Variants in SPSB4 observed in about 807,000 individuals in gnomAD.
The protein encoded by SPSB4 is splA/ryanodine receptor domain and SOCS box containing 4.
Under a neutral mutation model 20.9 loss-of-function variants are expected in SPSB4, and 21 were observed. That is an observed-to-expected ratio of 1.01 (90% CI 0.71 to 1.45). SPSB4 has a LOEUF of 1.45. Ranked by LOEUF, SPSB4 falls within the 40% of genes most tolerant of loss-of-function variation. The pLI, the probability that SPSB4 is intolerant of heterozygous loss-of-function variation, is 0.00. For missense variants in SPSB4, 399 were observed against 399.2 expected (o/e 1.00, Z 0.00); for synonymous variants, 207 against 183.8 (o/e 1.13, Z -1.02).
At chr3:141,114,163 G>A (rs900127002) in intron 2 of SPSB4, among the ~76,000 whole-genome samples, 1 of 152,154 alleles carries the variant, frequency 6.6e-6, no homozygotes, top group Non-Finnish European at 1.5e-5. Context: ...TAAATTCAGT[G>A]CAAGAAGTTG....
chr3:141,129,258 A>C (rs1321050524), intron 2 of SPSB4, among the ~76,000 whole-genome samples: 1 of 152,216 alleles, frequency 6.6e-6, no homozygotes, highest in Non-Finnish European at 1.5e-5. Flanking sequence ...GGACCTTCAC[A>C]GCTCCAGGAG....
intron 2 of SPSB4, among the ~76,000 whole-genome samples, chr3:141,142,472 T>C (rs1484047444): frequency 6.6e-6 from 1 of 152,206 alleles, no homozygotes; most frequent in African/African-American, 2.4e-5. Context: ...ATGTTGTCTA[T>C]CTTGGAGAAT....
intron 1 of SPSB4, among the ~76,000 whole-genome samples, chr3:141,063,770 T>C (rs1937812213): frequency 6.6e-6 from 1 of 152,252 alleles, no homozygotes; most frequent in African/African-American, 2.4e-5. Flanking sequence ...GAGGTAAACC[T>C]TCTTGGATCA....
At chr3:141,114,525 C>T (rs1034241341) in intron 2 of SPSB4, among the ~76,000 whole-genome samples, 4 of 152,106 alleles carry the variant, frequency 2.6e-5, no homozygotes, top group African/African-American at 7.2e-5. Flanking sequence ...AAAATGAGGC[C>T]GAGTCTAGAC....
At chr3:141,077,411 T>C (rs960799427) in intron 2 of SPSB4, 6 of 152,234 alleles carry the variant, frequency 3.9e-5, no homozygotes, top group African/African-American at 1.4e-4. Context: ...ATGATCTCAC[T>C]GGTGAGCAGC....
rs1048367151 is a variant in SPSB4 at position 141,066,552 on chromosome 3, T to C, written c.448T>C (p.Tyr150His). The C allele has an allele frequency of 2.0e-6, 3 of 1,529,298 alleles. No homozygotes were observed. The highest frequency in any genetic ancestry group is 2.6e-6 in the Non-Finnish European group (3 of 1,137,378). 94.7% of individuals were successfully genotyped at this position (1,529,298 alleles called of 1,614,324 possible). A position where few individuals can be genotyped will look rare whatever the true frequency, so the allele number is the denominator to read the frequency against. The change falls in exon 2 of 3, where the codon TAC becomes CAC. Residue 150 changes from tyrosine (Y) to histidine (H), a missense_variant. Coordinates refer to ENST00000310546, the MANE Select transcript of SPSB4 (RefSeq NM_080862.3). ...WGWDLGRSRLYHDGKNQPGVA... is the reference protein window; with the variant it reads ...WGWDLGRSRLHHDGKNQPGVA... ...CTGGGACCTGGGCCGCAGCCGCCTCTACCACGACGGCAAGAACCAGCCCGG... is the reference window on the plus strand; with the variant it reads ...CTGGGACCTGGGCCGCAGCCGCCTCCACCACGACGGCAAGAACCAGCCCGG...
chr3:141,066,205 C>G lies in SPSB4; in HGVS notation c.101C>G (p.Pro34Arg). 6.5e-7 allele frequency: 1 copy of G among 1,532,006 alleles called. No individual in the cohort carries two copies. Among genetic ancestry groups the G allele is most frequent in the Non-Finnish European group, 8.8e-7 (1 of 1,141,316 alleles). 94.9% of individuals were successfully genotyped at this position (1,532,006 alleles called of 1,614,324 possible). Reference sequence around the variant, plus strand: ...CTGCGGGGTGCAGAGCCCGGGCGGCCGGCGCGGCTGGACCAGCTGTTGGAC... The same window carrying G: ...CTGCGGGGTGCAGAGCCCGGGCGGCGGGCGCGGCTGGACCAGCTGTTGGAC... The part of the protein sequence containing the change: ...RELRGAEPGR[P>R]ARLDQLLDMP... The change falls in exon 2 of 3, where the codon CCG becomes CGG. Residue 34 changes from proline to arginine, a missense_variant. Pro to Arg is a moderately radical substitution (Grantham distance 103). Coordinates refer to ENST00000310546, the MANE Select transcript of SPSB4 (RefSeq NM_080862.3).
At chr3:141,142,879 T>C (rs544043952) in intron 2 of SPSB4, among the ~76,000 whole-genome samples, 2 of 139,498 alleles carry the variant, frequency 1.4e-5, no homozygotes, top group African/African-American at 2.6e-5. Context: ...TGCAGTGGCA[T>C]GATCTCAGCT....
intron 2 of SPSB4, among the ~76,000 whole-genome samples, chr3:141,101,418 T>G (rs1400258499): frequency 6.6e-6 from 1 of 152,192 alleles, no homozygotes; most frequent in East Asian, 1.9e-4. Context: ...AGGTGGCCCC[T>G]GCCCACCTCC....
intron 2 of SPSB4, among the ~76,000 whole-genome samples, chr3:141,082,637 A>ATCTG (rs1938258725): frequency 6.6e-6 from 1 of 151,912 alleles, no homozygotes; most frequent in South Asian, 2.1e-4. Flanking sequence ...CTATCTATCT[A>ATCTG]TCTATCTATC....
At chr3:141,131,661 G>T (rs984063394) in intron 2 of SPSB4, among the ~76,000 whole-genome samples, 1 of 152,130 alleles carries the variant, frequency 6.6e-6, no homozygotes, top group Non-Finnish European at 1.5e-5. Context: ...TATAATTGTG[G>T]TTCCTTCATT....
rs1407071323 is a variant in SPSB4, at chr3:141,148,600, T to G, written c.*1331T>G. On this transcript the variant is annotated 3_prime_UTR_variant, in exon 3 of 3. Coordinates refer to ENST00000310546, the MANE Select transcript of SPSB4 (RefSeq NM_080862.3). This position sits in a 1 kb window ranked among gnomAD's most constrained non-coding sequence, Gnocchi z 4.5. ...AGAGCGTTTCTAATAAAGTTTGTCA[T>G]TCAGTCCTTCAGCTGCGTATTAAAT... 1 of 152,796 alleles carries G rather than the reference T, an allele frequency of 6.5e-6. No individual in the cohort carries two copies. The highest frequency in any genetic ancestry group is 2.1e-4 in the South Asian group (1 of 4,818). 9.5% of individuals were successfully genotyped at this position (152,796 alleles called of 1,614,324 possible).
intron 2 of SPSB4, among the ~76,000 whole-genome samples, chr3:141,081,574 G>T (rs1559843736): frequency 1.3e-5 from 2 of 152,120 alleles, no homozygotes; most frequent in African/African-American, 4.8e-5. Context: ...TGGTGGTGGG[G>T]GGTAGCCACT....
chr3:141,124,581 T>C (rs973377713), intron 2 of SPSB4, among the ~76,000 whole-genome samples: 1 of 152,016 alleles, frequency 6.6e-6, no homozygotes, highest in South Asian at 2.1e-4. Context: ...GCGTTCATAA[T>C]GGAGTCAGGA....
chr3:141,108,272 G>A (rs975462436), intron 2 of SPSB4, among the ~76,000 whole-genome samples: 5 of 152,166 alleles, frequency 3.3e-5, no homozygotes, highest in African/African-American at 1.2e-4. Context: ...TGACACCTTT[G>A]CTATGAATAA....
intron 2 of SPSB4, among the ~76,000 whole-genome samples, chr3:141,081,279 C>T (rs978860172): frequency 1.3e-5 from 2 of 152,216 alleles, no homozygotes; most frequent in African/African-American, 2.4e-5. Context: ...CTCGTGGCTG[C>T]CCTATTGGAT....
chr3:141,114,046 C>T (rs572120638), intron 2 of SPSB4, among the ~76,000 whole-genome samples: 13 of 152,156 alleles, frequency 8.5e-5, no homozygotes, highest in South Asian at 2.1e-4. Flanking sequence ...TAAGATCACA[C>T]CACTGCACTC....
At chr3:141,069,865 T>A (rs1226003367) in intron 2 of SPSB4, among the ~76,000 whole-genome samples, 1 of 152,222 alleles carries the variant, frequency 6.6e-6, no homozygotes, top group Non-Finnish European at 1.5e-5. Context: ...TCTAACATGA[T>A]GAAAGTAAGG....
intron 2 of SPSB4, among the ~76,000 whole-genome samples, chr3:141,089,620 G>C (rs1938413037): frequency 6.6e-6 from 1 of 152,176 alleles, no homozygotes; most frequent in African/African-American, 2.4e-5. Context: ...TTGGCCTGTA[G>C]TTTTCCTGAA....
Sources: gnomAD v4.1 joint callset for allele counts (sites outside exome capture counted in the v4.1 genomes callset) on GRCh38, gnomAD v4.1.1 for gene constraint, Gnocchi (gnomAD v3.1) non-coding constraint, MANE v1.5 for transcripts, NCBI Gene and HGNC (gene_info 2026-07-23, HGNC 2026-07-21) for gene names.